Variants in SF3B3 observed in about 807,000 individuals in gnomAD.
SF3B3 encodes the protein SAP 130.
A neutral mutation model predicts 139.2 loss-of-function variants in SF3B3; 33 were observed. That is an observed-to-expected ratio of 0.24 (90% CI 0.18 to 0.32). The LOEUF (loss-of-function observed/expected upper bound fraction) is 0.32. Ranked by LOEUF, SF3B3 falls within the 10% of genes least tolerant of loss-of-function variation. The pLI, the probability that SF3B3 is intolerant of heterozygous loss-of-function variation, is 1.00. For synonymous variants in SF3B3, 596 were observed against 563.6 expected, an observed-to-expected ratio of 1.06 and a Z score of -0.81; for missense variants, 818 against 1,509.4, an observed-to-expected ratio of 0.54 and a Z score of 7.59.
rs1348095170 is a variant in SF3B3, at chr16:70,564,010, C to T, written c.2423C>T (p.Thr808Ile). ...ATTGAAACGGACCACAATGCCTACA[C>T]TGAGGCCACGAAAGCTCAGAGAAAG... ...IIIETDHNAYTEATKAQRKQQ... is the reference protein window; with the variant it reads ...IIIETDHNAYIEATKAQRKQQ... The change falls in exon 18 of 26, where the codon ACT (threonine) becomes ATT (isoleucine). Residue 808 changes from threonine to isoleucine, a missense_variant. Thr to Ile is a moderately conservative substitution (Grantham distance 89). This residue lies in a region of SF3B3 where 34 missense variants were observed against 30.5 expected (regional missense o/e 1.12). Coordinates refer to ENST00000302516, the MANE Select transcript of SF3B3 (RefSeq NM_012426.5). 1.2e-6 allele frequency: 2 copies of T among 1,614,018 alleles called. No individual in the cohort carries two copies. Among genetic ancestry groups the T allele is most frequent in the Admixed American group, 1.7e-5 (1 of 60,006 alleles).
intron 6 of SF3B3, among the ~76,000 whole-genome samples, chr16:70,535,713 A>T (rs1281686408): frequency 6.6e-6 from 1 of 151,686 alleles, no homozygotes; most frequent in African/African-American, 2.4e-5. Flanking sequence ...GAAACCAGGC[A>T]TATTTGTTAG....
intron 17 of SF3B3, among the ~76,000 whole-genome samples, chr16:70,563,224 C>T (rs1345129015): frequency 6.6e-6 from 1 of 152,190 alleles, no homozygotes; most frequent in Non-Finnish European, 1.5e-5. Context: ...CCTGCTTTGG[C>T]CTCCCAAAGT....
At chr16:70,539,255 T>A (rs1162350018) in intron 8 of SF3B3, 48 bp downstream of exon 8, 4 of 1,408,674 alleles carry the variant, frequency 2.8e-6, no homozygotes, top group Non-Finnish European at 4.0e-6. Flanking sequence ...GGGATAAAAG[T>A]TGGCAGCAGA....
At chr16:70,556,496 C>T in intron 14 of SF3B3, 162 bp downstream of exon 14, 1 of 734,034 alleles carries the variant, frequency 1.4e-6, no homozygotes, top group Admixed American at 2.7e-5. Context: ...CAGTGTGTTT[C>T]AGGAGTTTCC....
In SF3B3 at chr16:70,573,995, A is replaced by G. The variant is rs2050553319; in HGVS notation, c.*2182A>G. 6.6e-6 allele frequency: 1 copy of G among 152,064 alleles called. No individual in the cohort carries two copies. The highest frequency in any genetic ancestry group is 1.5e-5 in the Non-Finnish European group (1 of 68,022). The allele number at this position is 152,064 out of a possible 1,614,324, so 9.4% of individuals were successfully genotyped here. A position where few individuals can be genotyped will look rare whatever the true frequency, so the allele number is the denominator to read the frequency against. On this transcript the variant is annotated 3_prime_UTR_variant, in exon 26 of 26. Transcript: ENST00000302516. ...TGCTTTTCTTGGTTAGTGTAAATGTATTGCTAGTGAGACAGCTGCCGGCGC... is the reference window on the plus strand; with the variant it reads ...TGCTTTTCTTGGTTAGTGTAAATGTGTTGCTAGTGAGACAGCTGCCGGCGC...
At chr16:70,534,285 AGC>A (rs1287468942) in intron 5 of SF3B3, among the ~76,000 whole-genome samples, 1 of 152,214 alleles carries the variant, frequency 6.6e-6, no homozygotes, top group Admixed American at 6.5e-5. Context: ...AATAATTAAA[AGC>A]TCATTATGAT....
chr16:70,549,233 C>T (rs2050298148), intron 11 of SF3B3, among the ~76,000 whole-genome samples: 1 of 152,102 alleles, frequency 6.6e-6, no homozygotes, highest in Admixed American at 6.6e-5. Flanking sequence ...TGTAATTCTG[C>T]CTGATATTTA....
intron 11 of SF3B3, among the ~76,000 whole-genome samples, chr16:70,549,284 A>G (rs919047413): frequency 1.3e-5 from 2 of 152,184 alleles, no homozygotes; most frequent in South Asian, 2.1e-4. Context: ...GAGTTGGGAG[A>G]CATGTAGGAG....
intron 19 of SF3B3, 25 bp downstream of exon 19, chr16:70,565,295 G>A (rs921002197): frequency 6.2e-7 from 1 of 1,613,624 alleles, no homozygotes; most frequent in Non-Finnish European, 8.5e-7. Context: ...ACAGTCCAGG[G>A]TTTGGCAGGC....
intron 18 of SF3B3, among the ~76,000 whole-genome samples, chr16:70,564,476 G>C (rs1201376170): frequency 1.3e-5 from 2 of 152,152 alleles, no homozygotes; most frequent in Non-Finnish European, 2.9e-5. Context: ...CTTCATTTTA[G>C]AGCCTTTCTT....
At position 70,575,162 on chromosome 16, in the gene SF3B3, TTC is replaced by T. The variant is rs2050565722; in HGVS notation, c.*3353_*3354del. The stretch of plus-strand genomic sequence containing the variant: ...CTGAACCAGCACAACCAAGAGTTGT[TTC>T]TCTTTTTTTTCTTTTTCTTTTTCTT... On this transcript the variant is annotated 3_prime_UTR_variant, in exon 26 of 26. Transcript: ENST00000302516. 6.6e-6 allele frequency: 1 copy of T among 151,802 alleles called. No homozygotes were observed. Among genetic ancestry groups the T allele is most frequent in the Non-Finnish European group, 1.5e-5 (1 of 68,160 alleles). The allele number at this position is 151,802 out of a possible 1,614,324, so 9.4% of individuals were successfully genotyped here. A position where few individuals can be genotyped will look rare whatever the true frequency, so the allele number is the denominator to read the frequency against.
chr16:70,571,922 A>G lies in SF3B3; in HGVS notation c.*109A>G. 1 of 1,309,554 alleles carries G rather than the reference A, an allele frequency of 7.6e-7. No individual in the cohort carries two copies. Among genetic ancestry groups the G allele is most frequent in the Non-Finnish European group, 1.1e-6 (1 of 940,836 alleles). The allele number at this position is 1,309,554 out of a possible 1,614,324, so 81.1% of individuals were successfully genotyped here. ...TGGCAGGAGGGTGACTGGATAATTA[A>G]GACTGCATTATGAAAGTCAACAGCT... On this transcript the variant is annotated 3_prime_UTR_variant, in exon 26 of 26. Coordinates refer to ENST00000302516, the MANE Select transcript of SF3B3 (RefSeq NM_012426.5).
At chr16:70,569,197 C>T (rs1353305873) in intron 23 of SF3B3, 56 bp downstream of exon 23, 1 of 1,265,740 alleles carries the variant, frequency 7.9e-7, no homozygotes, top group African/African-American at 1.5e-5. Flanking sequence ...TTCCTGTTGC[C>T]CTCACTGAAG....
intron 11 of SF3B3, among the ~76,000 whole-genome samples, chr16:70,549,682 T>C (rs758614520): frequency 4.6e-5 from 7 of 152,172 alleles, no homozygotes; most frequent in Non-Finnish European, 7.4e-5. Flanking sequence ...TCCCAGCATA[T>C]TGGGAGGCCG....
chr16:70,556,770 G>GT, intron 14 of SF3B3, 116 bp from the exon 15 acceptor site: 1 of 1,150,740 alleles, frequency 8.7e-7, no homozygotes, highest in Non-Finnish European at 1.3e-6. Flanking sequence ...CACTCCCCGG[G>GT]TTTTTTCTGT....
chr16:70,570,555 C>G (rs2050519543), intron 24 of SF3B3, among the ~76,000 whole-genome samples: 1 of 152,124 alleles, frequency 6.6e-6, no homozygotes, highest in Non-Finnish European at 1.5e-5. Flanking sequence ...TGGTCTCGAT[C>G]TCTTGACCTT....
chr16:70,538,020 ACT>A, intron 6 of SF3B3: 1 of 574,318 alleles, frequency 1.7e-6, no homozygotes, highest in Non-Finnish European at 3.4e-6. Context: ...TGAAATGATG[ACT>A]CTTTAAAAAA....
Position 70,567,480 on chromosome 16 carries a change from C to T in SF3B3, c.2896C>T (p.Leu966=). The T allele has an allele frequency of 6.2e-7, 1 of 1,613,924 alleles. No homozygotes were observed. The highest frequency in any genetic ancestry group is 1.1e-5 in the South Asian group (1 of 91,054). ...GAGGGTGTTGATTGGTGTGGGGAAG[C>T]TGTTGCGTGTCTATGACCTGGGAAA... ...QGRVLIGVGK[L]LRVYDLGKKK... The change falls in exon 21 of 26, where the codon CTG becomes TTG. Residue 966 remains leucine (L), a synonymous_variant. Transcript: ENST00000302516.
chr16:70,526,294 G>A (rs747824206), intron 1 of SF3B3, among the ~76,000 whole-genome samples: 10 of 151,684 alleles, frequency 6.6e-5, no homozygotes, highest in Non-Finnish European at 1.5e-4. Flanking sequence ...CACAACCTCC[G>A]CCTCCCAGGT....
Sources: allele counts gnomAD v4.1 joint callset (sites outside exome capture counted in the v4.1 genomes callset), GRCh38; gene constraint gnomAD v4.1.1; regional missense constraint gnomAD v4.1.1; transcripts MANE v1.5; gene names NCBI Gene and HGNC (gene_info 2026-07-23, HGNC 2026-07-21).